The following SFXN2 variants were observed in gnomAD, a reference collection of about 807,000 sequenced individuals.
The protein encoded by SFXN2 is sideroflexin-2.
In SFXN2, 37 loss-of-function variants were observed where a neutral mutation model predicts 41.9. The observed-to-expected ratio is 0.88, with a 90% CI of 0.68 to 1.16. The LOEUF (loss-of-function observed/expected upper bound fraction) is 1.16, where lower values mean the gene tolerates loss of function less well. Among genes scored for constraint, SFXN2 ranks in the 50% most tolerant of loss-of-function variants. The pLI, the probability that SFXN2 is intolerant of heterozygous loss-of-function variation, is 0.00. For synonymous variants in SFXN2, 150 were observed against 156.7 expected (o/e 0.96, Z 0.32); for missense variants, 386 against 425.2 (o/e 0.91, Z 0.81).
At chr10:102,727,244 C>T in intron 3 of SFXN2, 87 bp downstream of exon 3, 1 of 1,402,026 alleles carries the variant, frequency 7.1e-7, no homozygotes, top group Non-Finnish European at 9.7e-7. Flanking sequence ...TAATAGTTCT[C>T]TTGATTGGTC....
chr10:102,716,370 G>C (rs927706196), intron 1 of SFXN2: 1 of 151,506 alleles, frequency 6.6e-6, no homozygotes, highest in African/African-American at 2.4e-5. Flanking sequence ...TCCCTACCTG[G>C]GGCTACAAAC....
chr10:102,742,636 G>A lies in SFXN2; in HGVS notation c.*4874G>A, dbSNP rs1590160565. The A allele has an allele frequency of 1.3e-5, 2 of 151,852 alleles. No homozygotes were observed. The highest frequency in any genetic ancestry group is 4.8e-5 in the African/African-American group (2 of 41,318). 9.4% of individuals were successfully genotyped at this position (151,852 alleles called of 1,614,324 possible). A position where few individuals can be genotyped will look rare whatever the true frequency, so the allele number is the denominator to read the frequency against. ...ATGCTTGGCTAATTTGGCTAATTTAGTTTTTTTATTTTTGTAGAGACAGGG... is the reference window on the plus strand; with the variant it reads ...ATGCTTGGCTAATTTGGCTAATTTAATTTTTTTATTTTTGTAGAGACAGGG... On this transcript the variant is annotated 3_prime_UTR_variant, in exon 12 of 12. Coordinates refer to ENST00000369893, the MANE Select transcript of SFXN2 (RefSeq NM_178858.6).
intron 11 of SFXN2, among the ~76,000 whole-genome samples, chr10:102,736,409 A>G (rs1345922355): frequency 3.5e-5 from 5 of 143,806 alleles, no homozygotes; most frequent in African/African-American, 1.3e-4. Flanking sequence ...GGTGCCTGCC[A>G]CCATGCCCAG....
At chr10:102,716,571 T>C (rs1450456451) in intron 1 of SFXN2, 14 of 142,474 alleles carry the variant, frequency 9.8e-5, no homozygotes, top group Admixed American at 2.1e-4. Flanking sequence ...CCTTTTTTTT[T>C]TTTTTTTTTT....
chr10:102,732,133 T>TA lies in SFXN2; in HGVS notation c.655-18dup. On this transcript the variant is annotated intron_variant, in intron 7 of 11. Coordinates refer to ENST00000369893, the MANE Select transcript of SFXN2 (RefSeq NM_178858.6). Reference sequence around the variant, plus strand: ...ACTGGATACATCATTTCTGACAACTTACTATTTTCTGCCCTCAGAGAGCTG... The same window carrying TA: ...ACTGGATACATCATTTCTGACAACTTAACTATTTTCTGCCCTCAGAGAGCTG... The TA allele has an allele frequency of 6.2e-7, 1 of 1,610,922 alleles. No homozygotes were observed. Among genetic ancestry groups the TA allele is most frequent in the Non-Finnish European group, 8.5e-7 (1 of 1,178,088 alleles).
chr10:102,732,761 G>A, intron 8 of SFXN2, 98 bp from the exon 9 acceptor site: 2 of 1,250,326 alleles, frequency 1.6e-6, no homozygotes, highest in South Asian at 1.2e-5. Flanking sequence ...AGCTTCTGCT[G>A]AAGGAGAGGG....
At chr10:102,729,425 C>T (rs1321340386) in intron 5 of SFXN2, 31 bp downstream of exon 5, 2 of 1,610,970 alleles carry the variant, frequency 1.2e-6, no homozygotes, top group Non-Finnish European at 1.7e-6. Flanking sequence ...AGCATGGTGG[C>T]CACGCGGGGG....
chr10:102,739,023 C>G lies in SFXN2; in HGVS notation c.*1261C>G, dbSNP rs2064819177. ...GCAATGCACAGCCACTTCCCTTCCC[C>G]AGCTTGGCTGCCCTAGGTGATTTCT... On this transcript the variant is annotated 3_prime_UTR_variant, in exon 12 of 12. Transcript: ENST00000369893. The G allele has an allele frequency of 6.6e-6, 1 of 152,660 alleles. No individual in the cohort carries two copies. The highest frequency in any genetic ancestry group is 6.5e-5 in the Admixed American group (1 of 15,290). 9.5% of individuals were successfully genotyped at this position (152,660 alleles called of 1,614,324 possible).
chr10:102,718,918 C>CTTTTTTTTTTTTTT (rs34471332), intron 1 of SFXN2, among the ~76,000 whole-genome samples: 1 of 74,302 alleles, frequency 1.3e-5, no homozygotes, highest in African/African-American at 5.3e-5. Flanking sequence ...TTCTCGGCTT[C>CTTTTTTTTTTTTTT]TTTTTTTTTT....
chr10:102,719,628 C>T (rs17784294), intron 1 of SFXN2, among the ~76,000 whole-genome samples: 3 of 151,974 alleles, frequency 2.0e-5, no homozygotes, highest in Admixed American at 1.3e-4. Context: ...TAAATCACCT[C>T]GATGCTGCTG....
At chr10:102,719,000 T>A (rs1403971497) in intron 1 of SFXN2, among the ~76,000 whole-genome samples, 2 of 146,258 alleles carry the variant, frequency 1.4e-5, no homozygotes, top group African/African-American at 2.5e-5. Context: ...CTCGGCTCGC[T>A]GCAACCTTCA....
chr10:102,735,594 GT>G (rs2064765898), intron 10 of SFXN2, among the ~76,000 whole-genome samples: 1 of 152,126 alleles, frequency 6.6e-6, no homozygotes, highest in Non-Finnish European at 1.5e-5. Context: ...CACAGTCCCT[GT>G]TTACTTCATT....
In SFXN2 at chr10:102,740,958, C is replaced by G. The variant is rs553048966; in HGVS notation, c.*3196C>G. ...TCAAGCCTCTTGGATTTCCTGTTCT[C>G]TTATAGACAACTGCTCTTTTGGAAA... is the stretch of plus-strand genomic sequence containing the variant. On this transcript the variant is annotated 3_prime_UTR_variant, in exon 12 of 12. Transcript: ENST00000369893. 2 of 152,304 alleles carry G rather than the reference C, an allele frequency of 1.3e-5. No homozygotes were observed. The highest frequency in any genetic ancestry group is 4.8e-5 in the African/African-American group (2 of 41,560). The allele number at this position is 152,304 out of a possible 1,614,324, so 9.4% of individuals were successfully genotyped here.
At chr10:102,730,515 AG>A (rs1564744794) in intron 6 of SFXN2, among the ~76,000 whole-genome samples, 1 of 152,246 alleles carries the variant, frequency 6.6e-6, no homozygotes, top group Non-Finnish European at 1.5e-5. Flanking sequence ...TTGTAGAGGA[AG>A]CACTACCAGA....
At chr10:102,729,637 C>CT in intron 5 of SFXN2, 86 bp from the exon 6 acceptor site, 1 of 1,422,798 alleles carries the variant, frequency 7.0e-7, no homozygotes, top group Non-Finnish European at 9.7e-7. Flanking sequence ...GCCTAGTTTT[C>CT]TTTTTTGTAT....
intron 1 of SFXN2, among the ~76,000 whole-genome samples, chr10:102,726,106 C>T (rs1037613605): frequency 3.9e-5 from 6 of 151,982 alleles, no homozygotes; most frequent in African/African-American, 1.2e-4. Flanking sequence ...CCTGGCACTG[C>T]GCCCGGCTCA....
chr10:102,728,833 C>T (rs1040010682), intron 4 of SFXN2, among the ~76,000 whole-genome samples: 9 of 152,118 alleles, frequency 5.9e-5, no homozygotes, highest in African/African-American at 1.2e-4. Flanking sequence ...GGGCCAGGCA[C>T]GGTGGTTCTC....
rs1222671837 is a variant in SFXN2 at position 102,740,217 on chromosome 10, G to A, written c.*2455G>A. On this transcript the variant is annotated 3_prime_UTR_variant, in exon 12 of 12. Coordinates refer to ENST00000369893, the MANE Select transcript of SFXN2 (RefSeq NM_178858.6). ...AGTGTACAATTCAGTGGTTTTTAAT[G>A]TAGTCACAAAGTTGTACAAGCATCA... The A allele has an allele frequency of 6.6e-6, 1 of 152,198 alleles. No individual in the cohort carries two copies. 9.4% of individuals were successfully genotyped at this position (152,198 alleles called of 1,614,324 possible). A position where few individuals can be genotyped will look rare whatever the true frequency, so the allele number is the denominator to read the frequency against.
At chr10:102,729,064 C>G (rs1406372288) in intron 4 of SFXN2, among the ~76,000 whole-genome samples, 1 of 152,220 alleles carries the variant, frequency 6.6e-6, no homozygotes, top group Non-Finnish European at 1.5e-5. Flanking sequence ...CCAGGGAACA[C>G]CTCCCCGCAT....
Sources: gnomAD v4.1 joint callset for allele counts (sites outside exome capture counted in the v4.1 genomes callset) on GRCh38, gnomAD v4.1.1 for gene constraint, MANE v1.5 for transcripts, NCBI Gene and HGNC (gene_info 2026-07-23, HGNC 2026-07-21) for gene names.